The following TMEM117 variants were observed in gnomAD, a reference collection of about 807,000 sequenced individuals.
TMEM117 encodes the protein transmembrane protein 117.
TMEM117 carries 27 observed loss-of-function variants against 52.4 expected under a neutral mutation model. That is an observed-to-expected ratio of 0.51 (90% CI 0.38 to 0.71). The LOEUF is 0.71. Among genes scored for constraint, TMEM117 ranks in the 30% least tolerant of loss-of-function variants. TMEM117 has a pLI of 0.00. For synonymous variants in TMEM117, 215 were observed against 206.3 expected, an observed-to-expected ratio of 1.04 and a Z score of -0.36; for missense variants, 556 against 630.5, an observed-to-expected ratio of 0.88 and a Z score of 1.26.
chr12:44,080,853 T>A (rs1947470590), intron 3 of TMEM117, among the ~76,000 whole-genome samples: 1 of 152,212 alleles, frequency 6.6e-6, no homozygotes, highest in African/African-American at 2.4e-5. Context: ...TGTGCTTCCA[T>A]GGCAGAATAG....
At chr12:44,051,758 C>T (rs978277042) in intron 3 of TMEM117, among the ~76,000 whole-genome samples, 1 of 152,146 alleles carries the variant, frequency 6.6e-6, no homozygotes, top group African/African-American at 2.4e-5. Flanking sequence ...CTCACATGCA[C>T]CCTATTCATT....
chr12:43,871,057 T>C (rs1565728251), intron 2 of TMEM117, among the ~76,000 whole-genome samples: 1 of 151,986 alleles, frequency 6.6e-6, no homozygotes, highest in Non-Finnish European at 1.5e-5. Flanking sequence ...AGTGCTGGGA[T>C]TACAGGCATG....
At chr12:44,385,811 A>G (rs1952080379) in intron 7 of TMEM117, among the ~76,000 whole-genome samples, 1 of 152,078 alleles carries the variant, frequency 6.6e-6, no homozygotes, top group Admixed American at 6.6e-5. Flanking sequence ...AATACTGGAT[A>G]AGAATCTCTG....
chr12:44,291,834 G>A (rs1452846203), intron 5 of TMEM117, among the ~76,000 whole-genome samples: 1 of 151,954 alleles, frequency 6.6e-6, no homozygotes, highest in Non-Finnish European at 1.5e-5. Flanking sequence ...GCTTGCCAAG[G>A]ATAAATGTCA....
chr12:43,802,958 G>C, the TMEM117 span, among the ~76,000 whole-genome samples: 2 of 152,064 alleles, frequency 1.3e-5, no homozygotes, highest in Non-Finnish European at 2.9e-5. Context: ...TGTATACACT[G>C]GTATAGCCAC....
intron 2 of TMEM117, among the ~76,000 whole-genome samples, chr12:43,918,269 T>C (rs1399035023): frequency 1.3e-5 from 2 of 152,224 alleles, no homozygotes; most frequent in Non-Finnish European, 2.9e-5. Flanking sequence ...ATATGCAGGC[T>C]CCATCTGGTC....
chr12:44,146,506 T>C (rs1948644195), intron 4 of TMEM117, among the ~76,000 whole-genome samples: 1 of 152,142 alleles, frequency 6.6e-6, no homozygotes, highest in African/African-American at 2.4e-5. Flanking sequence ...ACATTGACCT[T>C]TCCACATTAG....
intron 6 of TMEM117, among the ~76,000 whole-genome samples, chr12:44,317,742 T>C (rs147215421): frequency 6.8e-4 from 103 of 152,292 alleles, no homozygotes; most frequent in African/African-American, 2.3e-3. Flanking sequence ...ATGGCACTTA[T>C]GGGTAAAAGT....
chr12:43,812,733 C>T, the TMEM117 span, among the ~76,000 whole-genome samples: 7 of 151,754 alleles, frequency 4.6e-5, no homozygotes, highest in Admixed American at 6.6e-5. Context: ...AGGTCGGGTG[C>T]GGTGGCTCAT....
intron 2 of TMEM117, among the ~76,000 whole-genome samples, chr12:43,899,775 A>G (rs765726508): frequency 1.3e-4 from 20 of 152,200 alleles, no homozygotes; most frequent in Non-Finnish European, 5.9e-5. Flanking sequence ...TCCTCTTTTG[A>G]ACTGGCAGGA....
chr12:44,369,726 GAA>G (rs1175527232), intron 6 of TMEM117, among the ~76,000 whole-genome samples: 1 of 152,148 alleles, frequency 6.6e-6, no homozygotes, highest in East Asian at 1.9e-4. Flanking sequence ...TTTTAGTGAT[GAA>G]TGAGGTATGC....
chr12:44,180,599 C>T (rs375322851), intron 4 of TMEM117, among the ~76,000 whole-genome samples: 1,733 of 147,594 alleles, frequency 0.012, 23 homozygotes, highest in South Asian at 0.053. Flanking sequence ...TGAGAATATG[C>T]GGTGTCTGGT....
intron 5 of TMEM117, chr12:44,263,817 G>T (rs1405570952): frequency 6.6e-6 from 1 of 152,154 alleles, no homozygotes; most frequent in Non-Finnish European, 1.5e-5. Context: ...AGACCACTGT[G>T]CATGGAAAAT....
intron 3 of TMEM117, among the ~76,000 whole-genome samples, chr12:44,056,289 T>C (rs1947053696): frequency 6.6e-6 from 1 of 152,086 alleles, no homozygotes; most frequent in Non-Finnish European, 1.5e-5. Flanking sequence ...ACAAATTGCT[T>C]TTTGTAATGT....
chr12:43,854,608 C>T (rs1234391633), intron 2 of TMEM117, among the ~76,000 whole-genome samples: 2 of 152,010 alleles, frequency 1.3e-5, no homozygotes, highest in South Asian at 2.1e-4. Context: ...AGTCCAGGCA[C>T]ACTTTTTAAA....
At chr12:44,177,256 A>G (rs1949128331) in intron 4 of TMEM117, among the ~76,000 whole-genome samples, 1 of 152,166 alleles carries the variant, frequency 6.6e-6, no homozygotes, top group South Asian at 2.1e-4. Flanking sequence ...ACTAGATAAA[A>G]AAATTGTATG....
chr12:44,114,567 C>T lies in TMEM117; in HGVS notation c.411-28958C>T, dbSNP rs1034389292. Among the ~76,000 whole-genome samples the T allele has an allele frequency of 3.9e-5, 6 of 152,152 alleles. 1 individual carries two copies. Among genetic ancestry groups the T allele is most frequent in the Non-Finnish European group, 7.3e-5 (5 of 68,030 alleles). On this transcript the variant is annotated intron_variant, in intron 3 of 7. Transcript: ENST00000266534. ...CTTGGCCAAAGAAAGATTTCCACAT[C>T]CATTTCTAGTTTGTTCAGTAGCCTC...
intron 3 of TMEM117, among the ~76,000 whole-genome samples, chr12:44,056,049 T>G (rs2137939667): frequency 6.6e-6 from 1 of 152,252 alleles, no homozygotes; most frequent in East Asian, 1.9e-4. Context: ...GCATACGTAT[T>G]TTTTAATTAA....
At chr12:44,352,361 C>T (rs576643585) in intron 6 of TMEM117, among the ~76,000 whole-genome samples, 12 of 151,916 alleles carry the variant, frequency 7.9e-5, no homozygotes, top group South Asian at 2.1e-4. Context: ...TTGTTACATA[C>T]GTATACCTGT....
Sources: allele counts gnomAD v4.1 joint callset (sites outside exome capture counted in the v4.1 genomes callset), GRCh38; gene constraint gnomAD v4.1.1; transcripts MANE v1.5; gene names NCBI Gene and HGNC (gene_info 2026-07-23, HGNC 2026-07-21).